TMPRSS15: variants seen among roughly 807,000 people sequenced by gnomAD.
The protein encoded by TMPRSS15 is enteropeptidase.
Under a neutral mutation model 125.3 loss-of-function variants are expected in TMPRSS15, and 128 were observed. The observed-to-expected ratio is 1.02, with a 90% confidence interval of 0.89 to 1.18. The LOEUF (loss-of-function observed/expected upper bound fraction) is 1.18. Ranked by LOEUF, TMPRSS15 falls within the 50% of genes most tolerant of loss-of-function variation. TMPRSS15 has a pLI of 0.00. For synonymous variants in TMPRSS15, 446 were observed against 423.2 expected (o/e 1.05, Z -0.66); for missense variants, 1,283 against 1,212.7 (o/e 1.06, Z -0.86).
At position 18,294,348 on chromosome 21, in the gene TMPRSS15, T is replaced by C. The variant is rs1195349994; in HGVS notation, c.2408A>G (p.Tyr803Cys). The change falls in exon 21 of 25, where the codon TAT becomes TGT. Residue 803 changes from tyrosine to cysteine, a missense_variant. By Grantham distance (194) the Tyr-to-Cys change is radical. Transcript: ENST00000284885. ...GCCGCAGAGCAGTCGGCCGCCATAA[T>C]ACAGACCCACAACCCAGGGCCAGGC... is the stretch of plus-strand genomic sequence containing the variant. ...EGAWPWVVGL[Y>C]YGGRLLCGAS... 1 of 1,614,240 alleles carries C rather than the reference T, an allele frequency of 6.2e-7. No individual in the cohort carries two copies. Among genetic ancestry groups the C allele is most frequent in the South Asian group, 1.1e-5 (1 of 91,088 alleles).
At chr21:18,423,073 A>G (rs1028430709) in intron 1 of TMPRSS15, among the ~76,000 whole-genome samples, 2 of 152,210 alleles carry the variant, frequency 1.3e-5, no homozygotes, top group Non-Finnish European at 1.5e-5. Context: ...GCAGTTCACC[A>G]AAGGCAGGTT....
chr21:18,294,492 C>T (rs2074878418), intron 20 of TMPRSS15, 48 bp from the exon 21 acceptor site: 1 of 1,611,720 alleles, frequency 6.2e-7, no homozygotes, highest in African/African-American at 1.3e-5. Flanking sequence ...TTTGGCATTT[C>T]TTCTGATGGT....
chr21:18,280,054 G>A (rs1327241214), intron 22 of TMPRSS15, among the ~76,000 whole-genome samples: 2 of 152,130 alleles, frequency 1.3e-5, no homozygotes, highest in Non-Finnish European at 2.9e-5. Context: ...GTCTGCTTTT[G>A]ATAAGTGCTG....
At chr21:18,432,982 G>A (rs138773995) in intron 1 of TMPRSS15, among the ~76,000 whole-genome samples, 2 of 152,210 alleles carry the variant, frequency 1.3e-5, no homozygotes, top group African/African-American at 4.8e-5. Flanking sequence ...AAAGATTCCC[G>A]TGTACCTTTC....
intron 7 of TMPRSS15, among the ~76,000 whole-genome samples, chr21:18,360,702 GA>G (rs2075672230): frequency 6.6e-6 from 1 of 151,964 alleles, no homozygotes; most frequent in Non-Finnish European, 1.5e-5. Flanking sequence ...AATATATTTT[GA>G]AATCAGGAAG....
At chr21:18,473,553 A>G (rs1312228433) in intron 1 of TMPRSS15, among the ~76,000 whole-genome samples, 1 of 152,102 alleles carries the variant, frequency 6.6e-6, no homozygotes, top group African/African-American at 2.4e-5. Flanking sequence ...TTTACCCATT[A>G]TAAGTTGATG....
intron 21 of TMPRSS15, among the ~76,000 whole-genome samples, chr21:18,293,217 A>C (rs949838263): frequency 6.6e-6 from 1 of 152,200 alleles, no homozygotes; most frequent in Non-Finnish European, 1.5e-5. Context: ...TGTGTCTGAC[A>C]GTTGGTCTTC....
At chr21:18,292,100 T>G (rs138739609) in intron 21 of TMPRSS15, among the ~76,000 whole-genome samples, 1 of 152,198 alleles carries the variant, frequency 6.6e-6, no homozygotes, top group Admixed American at 6.5e-5. Context: ...CCCATAACAA[T>G]ATATGCTTTC....
chr21:18,390,373 G>T (rs1371543001), intron 3 of TMPRSS15, among the ~76,000 whole-genome samples: 1 of 152,112 alleles, frequency 6.6e-6, no homozygotes, highest in Non-Finnish European at 1.5e-5. Flanking sequence ...ATATTAATAG[G>T]ATGAAGATTA....
chr21:18,280,009 T>A (rs1021832854), intron 22 of TMPRSS15, among the ~76,000 whole-genome samples: 1 of 152,196 alleles, frequency 6.6e-6, no homozygotes, highest in Non-Finnish European at 1.5e-5. Context: ...GTGCTTATCC[T>A]TAAGGACAGG....
intron 2 of TMPRSS15, 85 bp from the exon 3 acceptor site, chr21:18,398,031 G>A (rs2076055854): frequency 1.6e-6 from 2 of 1,233,498 alleles, no homozygotes; most frequent in Admixed American, 2.1e-5. Flanking sequence ...CAATCTTTAT[G>A]TTCTGCTTAG....
At chr21:18,343,480 T>C (rs1040910092) in intron 12 of TMPRSS15, 26 bp downstream of exon 12, 11 of 1,554,716 alleles carry the variant, frequency 7.1e-6, no homozygotes, top group Non-Finnish European at 9.7e-6. Context: ...AGGATACAAA[T>C]ATAAATAATA....
chr21:18,332,079 C>T lies in TMPRSS15; in HGVS notation c.1654+5G>A. The T allele has an allele frequency of 1.2e-6, 2 of 1,612,530 alleles. No individual in the cohort carries two copies. Among genetic ancestry groups the T allele is most frequent in the East Asian group, 2.2e-5 (1 of 44,860 alleles). ...TTCTGATGACCTGGAAAAGAAATGACTCACAGAAAGCCAGATTAGGGTAGC... is the reference window on the plus strand; with the variant it reads ...TTCTGATGACCTGGAAAAGAAATGATTCACAGAAAGCCAGATTAGGGTAGC... On this transcript the variant is annotated splice_donor_5th_base_variant and intron_variant, in intron 14 of 24. Coordinates refer to ENST00000284885, the MANE Select transcript of TMPRSS15 (RefSeq NM_002772.3).
intron 1 of TMPRSS15, among the ~76,000 whole-genome samples, chr21:18,420,909 C>T (rs1378002741): frequency 2.0e-5 from 3 of 152,182 alleles, no homozygotes; most frequent in Admixed American, 2.0e-4. Flanking sequence ...ACACTTAAAA[C>T]ATCATTCCTA....
intron 1 of TMPRSS15, among the ~76,000 whole-genome samples, chr21:18,421,066 A>G (rs1041961002): frequency 2.0e-5 from 3 of 152,196 alleles, no homozygotes; most frequent in African/African-American, 7.2e-5. Flanking sequence ...TCTCTTTTGT[A>G]GCTGTTATTT....
intron 16 of TMPRSS15, among the ~76,000 whole-genome samples, chr21:18,319,924 T>G (rs1330295901): frequency 1.3e-5 from 2 of 152,242 alleles, no homozygotes; most frequent in Admixed American, 6.5e-5. Context: ...CTAAGTTACC[T>G]TAACAAGAAA....
intron 1 of TMPRSS15, among the ~76,000 whole-genome samples, chr21:18,472,148 A>G (rs981113868): frequency 6.6e-6 from 1 of 152,128 alleles, no homozygotes; most frequent in Non-Finnish European, 1.5e-5. Flanking sequence ...AACATTAAGA[A>G]ATAATTGTTG....
At chr21:18,445,820 G>A (rs867153298) in intron 1 of TMPRSS15, among the ~76,000 whole-genome samples, 1 of 152,112 alleles carries the variant, frequency 6.6e-6, no homozygotes, top group South Asian at 2.1e-4. Flanking sequence ...AAATCATAAA[G>A]GGCATATATA....
intron 1 of TMPRSS15, among the ~76,000 whole-genome samples, chr21:18,463,648 T>C (rs1266837789): frequency 6.6e-6 from 1 of 152,014 alleles, no homozygotes; most frequent in Non-Finnish European, 1.5e-5. Context: ...AAATATACAT[T>C]CCTCTCAGCA....
Sources: allele counts gnomAD v4.1 joint callset (sites outside exome capture counted in the v4.1 genomes callset), GRCh38; gene constraint gnomAD v4.1.1; transcripts MANE v1.5; gene names NCBI Gene and HGNC (gene_info 2026-07-23, HGNC 2026-07-21).